The following PCBP4 variants were observed in gnomAD, a reference collection of about 807,000 sequenced individuals.
PCBP4 encodes poly(rC) binding protein 4.
Under a neutral mutation model 46.2 loss-of-function variants are expected in PCBP4, and 24 were observed. That is an observed-to-expected ratio of 0.52 (90% CI 0.38 to 0.73). The LOEUF (loss-of-function observed/expected upper bound fraction) is 0.73. Ranked by LOEUF, PCBP4 falls within the 30% of genes least tolerant of loss-of-function variation. The probability of loss-of-function intolerance (pLI) is 0.00; values close to 1 mark genes in which losing one functional copy is unlikely to be tolerated. For synonymous variants in PCBP4, 203 were observed against 224.4 expected (o/e 0.90, Z 0.85); for missense variants, 407 against 537.0 (o/e 0.76, Z 2.39).
At chr3:51,963,187 G>A (rs897244895) in intron 1 of PCBP4, 1 of 152,266 alleles carries the variant, frequency 6.6e-6, no homozygotes, top group African/African-American at 2.4e-5. Context: ...CTGGTTAGCT[G>A]AGCAGATGAA....
At chr3:51,965,697 G>A (rs1387760063) in intron 1 of PCBP4, among the ~76,000 whole-genome samples, 1 of 152,212 alleles carries the variant, frequency 6.6e-6, no homozygotes, top group Non-Finnish European at 1.5e-5. Flanking sequence ...AGTAGAGTGA[G>A]AAGACCCAGA....
At chr3:51,962,926 C>A (rs1700248891) in intron 1 of PCBP4, 1 of 152,270 alleles carries the variant, frequency 6.6e-6, no homozygotes, top group Non-Finnish European at 1.5e-5. Flanking sequence ...GGACTGTGCT[C>A]TCCGAGCATC....
At chr3:51,961,122 C>G (rs972234093) in intron 3 of PCBP4, 38 bp downstream of exon 3, 15 of 1,613,800 alleles carry the variant, frequency 9.3e-6, no homozygotes, top group African/African-American at 1.3e-5. Flanking sequence ...CCAGCCCAGC[C>G]CAGCCTTGCC....
chr3:51,961,212 T>A lies in PCBP4; in HGVS notation c.29A>T (p.Glu10Val), dbSNP rs1274083663. 2 of 1,612,860 alleles carry A rather than the reference T, an allele frequency of 1.2e-6. No individual in the cohort carries two copies. Among genetic ancestry groups the A allele is most frequent in the African/African-American group, 2.7e-5 (2 of 74,916 alleles). Residue 10 changes from glutamate (E) to valine (V), a missense_variant, in exon 3 of 14, where the codon GAG (glutamate) becomes GTG (valine). Transcript: ENST00000461554. ...GAGGGTGATGCTGAGCTCTGGCTCC[T>A]CCTCCAGTCCCCCGTCCGAGCCGCT... MSGSDGGLE[E>V]EPELSITLTL...
rs766362826 is a variant in PCBP4, at chr3:51,959,848, C to A, written c.516+47G>T. On this transcript the variant is annotated intron_variant, in intron 8 of 13. Transcript: ENST00000461554. This position sits in a 1 kb window ranked among gnomAD's most constrained non-coding sequence, Gnocchi z 5.6. ...GGTTTGGGGTCCCCGACAAGGCAGA[C>A]CCAGGGCCCATCTCCTGCCCCCTCT... 1 of 1,558,324 alleles carries A rather than the reference C, an allele frequency of 6.4e-7. No homozygotes were observed. Among genetic ancestry groups the A allele is most frequent in the Non-Finnish European group, 8.7e-7 (1 of 1,152,978 alleles).
Position 51,959,979 on chromosome 3 carries a change from G to A in PCBP4, c.432C>T (p.Asn144=), listed in dbSNP as rs577760814. The A allele has an allele frequency of 1.7e-4, 271 of 1,614,182 alleles. 3 individuals carry two copies. The South Asian group carries it at 2.9e-3, about 17-fold the overall frequency. ...QVQVAGDLLP[N]STERAVTVSG... is the part of the protein sequence containing the mutation. Reference sequence around the variant, plus strand: ...ATACCGTAACAGCTCGCTCTGTGGAGTTGGGGAGCAGGTCCCCTGCCACCT... The same window carrying A: ...ATACCGTAACAGCTCGCTCTGTGGAATTGGGGAGCAGGTCCCCTGCCACCT... The change falls in exon 8 of 14, where the codon AAC becomes AAT. Residue 144 remains asparagine (N), a synonymous_variant. Coordinates refer to ENST00000461554, the MANE Select transcript of PCBP4 (RefSeq NM_001174100.2). This position sits in a 1 kb window ranked among gnomAD's most constrained non-coding sequence, Gnocchi z 5.6.
At chr3:51,961,502 C>A in intron 2 of PCBP4, 198 bp from the exon 3 acceptor site, 1 of 627,260 alleles carries the variant, frequency 1.6e-6, no homozygotes, top group Non-Finnish European at 2.6e-6. Context: ...CCCATTCAAC[C>A]CTCTGAGCCT....
chr3:51,961,742 A>G, intron 2 of PCBP4, 199 bp downstream of exon 2: 1 of 992,768 alleles, frequency 1.0e-6, no homozygotes, highest in South Asian at 4.6e-5. Flanking sequence ...TCAGGCTGAA[A>G]GCTTACTCCA....
At position 51,957,623 on chromosome 3, in the gene PCBP4, G is replaced by C. The variant is rs1407040977; in HGVS notation, c.*438C>G. ...CCAGCCAGTTCATTCCAGTCAAAAGGGTATCAGTGGAAGCAGCAAGAAATC... is the reference window on the plus strand; with the variant it reads ...CCAGCCAGTTCATTCCAGTCAAAAGCGTATCAGTGGAAGCAGCAAGAAATC... On this transcript the variant is annotated 3_prime_UTR_variant, in exon 14 of 14. Transcript: ENST00000461554. The C allele has an allele frequency of 6.4e-6, 1 of 155,810 alleles. No individual in the cohort carries two copies. Among genetic ancestry groups the C allele is most frequent in the Non-Finnish European group, 1.4e-5 (1 of 70,280 alleles). 9.7% of individuals were successfully genotyped at this position (155,810 alleles called of 1,614,324 possible).
In PCBP4 at chr3:51,959,088, C is replaced by T. The variant is rs778605841; in HGVS notation, c.712G>A (p.Gly238Ser). 1.5e-5 allele frequency: 25 copies of T among 1,613,762 alleles called. No homozygotes were observed. The highest frequency in any genetic ancestry group is 1.3e-4 in the Admixed American group (8 of 59,982). ...TPSVVPGLDP[G>S]TQTSSQEFLV... ...AACTCCTGTGAGCTGGTCTGTGTGCCGGGATCCAGTCCTGAGGGGGAGAAG... is the reference window on the plus strand; with the variant it reads ...AACTCCTGTGAGCTGGTCTGTGTGCTGGGATCCAGTCCTGAGGGGGAGAAG... Residue 238 changes from glycine to serine, a missense_variant, in exon 12 of 14, where the codon GGC becomes AGC. Transcript: ENST00000461554. This position sits in a 1 kb window ranked among gnomAD's most constrained non-coding sequence, Gnocchi z 5.6.
At position 51,959,852 on chromosome 3, in the gene PCBP4, G is replaced by C. The variant is rs1166122707; in HGVS notation, c.516+43C>G. On this transcript the variant is annotated intron_variant, in intron 8 of 13. Transcript: ENST00000461554. This position sits in a 1 kb window ranked among gnomAD's most constrained non-coding sequence, Gnocchi z 5.6. Reference sequence around the variant, plus strand: ...TGGGGTCCCCGACAAGGCAGACCCAGGGCCCATCTCCTGCCCCCTCTCTCC... The same window carrying C: ...TGGGGTCCCCGACAAGGCAGACCCACGGCCCATCTCCTGCCCCCTCTCTCC... 6.4e-7 allele frequency: 1 copy of C among 1,558,998 alleles called. No homozygotes were observed. Among genetic ancestry groups the C allele is most frequent in the East Asian group, 2.2e-5 (1 of 44,538 alleles).
At position 51,959,332 on chromosome 3, in the gene PCBP4, T is replaced by C. The variant is rs1303437229; in HGVS notation, c.636+35A>G. ...GGTCAGAGGTCAGAGGAGGCATGGT[T>C]CAGGAAGGGGTGCCTTGGGCTATGG... On this transcript the variant is annotated intron_variant, in intron 10 of 13. Transcript: ENST00000461554. The surrounding 1 kb of genome is among the most constrained non-coding windows in gnomAD (Gnocchi z 5.6). 1 of 1,613,682 alleles carries C rather than the reference T, an allele frequency of 6.2e-7. No homozygotes were observed.
rs1326543778 is a variant in PCBP4 at position 51,960,517 on chromosome 3, G to A, written c.255+9C>T. On this transcript the variant is annotated intron_variant, in intron 6 of 13. Coordinates refer to ENST00000461554, the MANE Select transcript of PCBP4 (RefSeq NM_001174100.2). This position sits in a 1 kb window ranked among gnomAD's most constrained non-coding sequence, Gnocchi z 5.0. ...CACTCTTGGCGTCCTGCCCTGGCCA[G>A]CCACGGACCTCATCCAGTTTGAAAG... is the stretch of plus-strand genomic sequence containing the variant. The A allele has an allele frequency of 6.2e-7, 1 of 1,605,208 alleles. No individual in the cohort carries two copies. The highest frequency in any genetic ancestry group is 1.3e-5 in the African/African-American group (1 of 74,684).
chr3:51,960,412 G>A lies in PCBP4; in HGVS notation c.256-92C>T. 1 of 1,574,130 alleles carries A rather than the reference G, an allele frequency of 6.4e-7. No individual in the cohort carries two copies. Among genetic ancestry groups the A allele is most frequent in the South Asian group, 1.1e-5 (1 of 87,158 alleles). Reference sequence around the variant, plus strand: ...TACCCTTTCCCCAGTCCCACTTCAAGGGAACACTGCCCTGGGCTTGACCTC... The same window carrying A: ...TACCCTTTCCCCAGTCCCACTTCAAAGGAACACTGCCCTGGGCTTGACCTC... On this transcript the variant is annotated intron_variant, in intron 6 of 13. Transcript: ENST00000461554. This position sits in a 1 kb window ranked among gnomAD's most constrained non-coding sequence, Gnocchi z 5.0.
rs1191853220 is a variant in PCBP4, at chr3:51,958,401, G to A, written c.924-52C>T. ...CAAAGGGGAAAGTGGGAGTGAGAGA[G>A]GGGCAATGAGGGCAGAGATGGGCAT... On this transcript the variant is annotated intron_variant, in intron 13 of 13. Transcript: ENST00000461554. The surrounding 1 kb of genome is among the most constrained non-coding windows in gnomAD (Gnocchi z 5.4). 2 of 1,247,192 alleles carry A rather than the reference G, an allele frequency of 1.6e-6. No homozygotes were observed. The highest frequency in any genetic ancestry group is 6.4e-5 in the Admixed American group (2 of 31,340). 77.3% of individuals were successfully genotyped at this position (1,247,192 alleles called of 1,614,324 possible). A position where few individuals can be genotyped will look rare whatever the true frequency, so the allele number is the denominator to read the frequency against.
At chr3:51,962,313 T>A (rs1700218070) in intron 1 of PCBP4, among the ~76,000 whole-genome samples, 1 of 152,122 alleles carries the variant, frequency 6.6e-6, no homozygotes, top group Non-Finnish European at 1.5e-5. Flanking sequence ...AGCCTGAGAT[T>A]AGCTGCTGGG....
chr3:51,959,532 C>T lies in PCBP4; in HGVS notation c.591+45G>A. The T allele has an allele frequency of 2.0e-6, 3 of 1,536,928 alleles. No individual in the cohort carries two copies. The highest frequency in any genetic ancestry group is 2.6e-6 in the Non-Finnish European group (3 of 1,133,914). On this transcript the variant is annotated intron_variant, in intron 9 of 13. Transcript: ENST00000461554. The surrounding 1 kb of genome is among the most constrained non-coding windows in gnomAD (Gnocchi z 5.6). Reference sequence around the variant, plus strand: ...TCCATCCCCTCCTCTATCTCAATCCCCCTTCTCCAGTAATGTGTCCCACTG... The same window carrying T: ...TCCATCCCCTCCTCTATCTCAATCCTCCTTCTCCAGTAATGTGTCCCACTG...
At chr3:51,966,535 C>G (rs771750895) in intron 1 of PCBP4, among the ~76,000 whole-genome samples, 1 of 152,044 alleles carries the variant, frequency 6.6e-6, no homozygotes, top group Non-Finnish European at 1.5e-5. Context: ...GCCTTTGTGG[C>G]GGAAGGCAAG....
intron 1 of PCBP4, among the ~76,000 whole-genome samples, chr3:51,963,502 G>C (rs1240907344): frequency 6.6e-6 from 1 of 152,130 alleles, no homozygotes; most frequent in Non-Finnish European, 1.5e-5. Flanking sequence ...AATTTTCTGG[G>C]GTTCAAGGAC....
Sources: allele counts gnomAD v4.1 joint callset (sites outside exome capture counted in the v4.1 genomes callset), GRCh38; gene constraint gnomAD v4.1.1; non-coding constraint Gnocchi (gnomAD v3.1); transcripts MANE v1.5; gene names NCBI Gene and HGNC (gene_info 2026-07-23, HGNC 2026-07-21).